The following CEP128 variants were observed in gnomAD, a reference collection of about 807,000 sequenced individuals.
The protein encoded by CEP128 is centrosomal protein 128.
CEP128 carries 132 observed loss-of-function variants against 156.7 expected under a neutral mutation model. That is an observed-to-expected ratio of 0.84 (90% CI 0.73 to 0.97). The LOEUF is 0.97. CEP128 is among the 50% of genes least tolerant of loss of function. The probability of loss-of-function intolerance (pLI) is 0.00; values close to 1 mark genes in which losing one functional copy is unlikely to be tolerated. For missense variants in CEP128, 1,252 were observed against 1,281.9 expected, an observed-to-expected ratio of 0.98 and a Z score of 0.36; for synonymous variants, 469 against 448.9, an observed-to-expected ratio of 1.04 and a Z score of -0.57.
chr14:80,481,146 G>C (rs575048645), intron 14 of CEP128, among the ~76,000 whole-genome samples: 4 of 152,264 alleles, frequency 2.6e-5, no homozygotes, highest in East Asian at 1.9e-4. Flanking sequence ...TTTTCATGCT[G>C]CTGCTAAAGA....
intron 19 of CEP128, among the ~76,000 whole-genome samples, chr14:80,633,462 A>T (rs749705457): frequency 1.5e-4 from 23 of 151,754 alleles, no homozygotes; most frequent in Non-Finnish European, 2.9e-4. Context: ...TGTTTCTGTT[A>T]TGGCCTGCCT....
rs560480034 is a variant in CEP128, at chr14:80,562,792, C to G, written c.2857-3490G>C. On this transcript the variant is annotated intron_variant, in intron 20 of 24. Transcript: ENST00000555265. ...CTTCCCACCTCAGCATCCCAAGTAA[C>G]CGGGAGTATAGGTGTGCACCACCAC... Among the ~76,000 whole-genome samples the G allele has an allele frequency of 1.3e-4, 20 of 151,040 alleles. 1 individual carries two copies. Among genetic ancestry groups the G allele is most frequent in the Non-Finnish European group, 2.2e-4 (15 of 67,862 alleles).
At chr14:80,712,148 T>G (rs182947226) in intron 19 of CEP128, among the ~76,000 whole-genome samples, 11 of 152,288 alleles carry the variant, frequency 7.2e-5, no homozygotes, top group Admixed American at 6.5e-4. Context: ...ATATGAACAC[T>G]AATGTTCGGA....
At chr14:80,933,155 A>G (rs1885568581) in intron 2 of CEP128, among the ~76,000 whole-genome samples, 1 of 152,076 alleles carries the variant, frequency 6.6e-6, no homozygotes, top group African/African-American at 2.4e-5. Flanking sequence ...CCCTACCAGC[A>G]TCCTGGAGAG....
At chr14:80,595,710 C>T (rs561977668) in intron 19 of CEP128, among the ~76,000 whole-genome samples, 37 of 152,088 alleles carry the variant, frequency 2.4e-4, no homozygotes, top group Admixed American at 5.2e-4. Context: ...TCTCACACTG[C>T]TAATAAATAC....
Position 80,838,249 on chromosome 14 carries a change from CCTT to C in CEP128, c.876_878del (p.Arg293del). On this transcript the variant is annotated inframe_deletion, in exon 11 of 25. Coordinates refer to ENST00000555265, the MANE Select transcript of CEP128 (RefSeq NM_152446.5). ...GGCTGCCTTCTGATTGATTCAATAACCTTCGAGATAGCTCCAATTCCTGTTCAA... is the reference window on the plus strand; with the variant it reads ...GGCTGCCTTCTGATTGATTCAATAACCGAGATAGCTCCAATTCCTGTTCAA... 1 of 1,613,434 alleles carries C rather than the reference CCTT, an allele frequency of 6.2e-7. No homozygotes were observed. Among genetic ancestry groups the C allele is most frequent in the Non-Finnish European group, 8.5e-7 (1 of 1,179,672 alleles).
intron 13 of CEP128, among the ~76,000 whole-genome samples, chr14:80,793,803 T>C (rs1183794045): frequency 6.6e-6 from 1 of 152,208 alleles, no homozygotes; most frequent in Non-Finnish European, 1.5e-5. Flanking sequence ...GGTGATTATA[T>C]ATTTGGAAAT....
intron 19 of CEP128, among the ~76,000 whole-genome samples, chr14:80,684,258 G>T (rs1272425183): frequency 6.6e-6 from 1 of 151,996 alleles, no homozygotes; most frequent in Non-Finnish European, 1.5e-5. Context: ...AAGGACAAAG[G>T]TGACATTACA....
intron 19 of CEP128, among the ~76,000 whole-genome samples, chr14:80,643,718 C>T (rs1046715586): frequency 7.1e-5 from 6 of 84,520 alleles, no homozygotes; most frequent in African/African-American, 3.5e-4. Context: ...TCAAAAAAAT[C>T]GTGGTGGTAC....
chr14:80,939,285 G>A (rs1189241581), intron 2 of CEP128, 100 bp downstream of exon 2: 4 of 152,128 alleles, frequency 2.6e-5, no homozygotes, highest in African/African-American at 9.7e-5. Context: ...ATTAGAAGGG[G>A]CTTCTTGCTC....
In CEP128 at chr14:80,548,457, T is replaced by C. The variant is rs186752167; in HGVS notation, c.2880+10822A>G. Among the ~76,000 whole-genome samples the C allele has an allele frequency of 1.7e-3, 257 of 152,260 alleles. 1 individual carries two copies. Among genetic ancestry groups the C allele is most frequent in the African/African-American group, 5.8e-3 (239 of 41,562 alleles). On this transcript the variant is annotated intron_variant, in intron 21 of 24. Transcript: ENST00000555265. ...TTGTGAGTGTAATACGAATATCTTA[T>C]TTTATGGTTAAGTTAGGATCTTAAA...
intron 19 of CEP128, among the ~76,000 whole-genome samples, chr14:80,613,791 C>T (rs1893104381): frequency 6.6e-6 from 1 of 151,658 alleles, no homozygotes; most frequent in Admixed American, 6.6e-5. Context: ...AGCAAGCTAC[C>T]AAGAGATAAG....
chr14:80,900,248 CAATTCTACTCCTCCAG>C (rs1487819985), intron 6 of CEP128, among the ~76,000 whole-genome samples: 1 of 152,180 alleles, frequency 6.6e-6, no homozygotes, highest in Non-Finnish European at 1.5e-5. Context: ...TTCTACAGTA[CAATTCTACTCCTCCAG>C]AATTCTACCC....
chr14:80,794,910 T>C (rs1210132912), intron 13 of CEP128, among the ~76,000 whole-genome samples: 1 of 152,172 alleles, frequency 6.6e-6, no homozygotes, highest in Non-Finnish European at 1.5e-5. Context: ...CAAATAACTA[T>C]GACTGTGACT....
intron 17 of CEP128, among the ~76,000 whole-genome samples, chr14:80,758,262 C>T (rs1276139583): frequency 2.6e-5 from 4 of 152,206 alleles, no homozygotes; most frequent in Non-Finnish European, 5.9e-5. Flanking sequence ...TGGCTCACGC[C>T]TGTAATCCCA....
chr14:80,652,209 C>A (rs1595154828), intron 19 of CEP128, among the ~76,000 whole-genome samples: 1 of 151,986 alleles, frequency 6.6e-6, no homozygotes, highest in African/African-American at 2.4e-5. Context: ...GGATTAAAGA[C>A]CTAAATGTAA....
chr14:80,667,157 G>C (rs985003919), intron 19 of CEP128, among the ~76,000 whole-genome samples: 3 of 152,178 alleles, frequency 2.0e-5, no homozygotes, highest in Non-Finnish European at 4.4e-5. Context: ...CATTCCAGTA[G>C]AGAAAGGGAC....
intron 23 of CEP128, among the ~76,000 whole-genome samples, chr14:80,520,046 C>T (rs900276871): frequency 1.3e-5 from 2 of 152,168 alleles, no homozygotes; most frequent in African/African-American, 4.8e-5. Context: ...CAGACAGAAA[C>T]AGTGAACAAC....
chr14:80,954,865 C>T (rs1246718269), intron 2 of CEP128: 1 of 152,432 alleles, frequency 6.6e-6, no homozygotes, highest in Non-Finnish European at 1.5e-5. Context: ...CCATACTGGA[C>T]CCATTATTAA....
Sources: gnomAD v4.1 joint callset for allele counts (sites outside exome capture counted in the v4.1 genomes callset) on GRCh38, gnomAD v4.1.1 for gene constraint, MANE v1.5 for transcripts, NCBI Gene and HGNC (gene_info 2026-07-23, HGNC 2026-07-21) for gene names.